Variants in MIS18BP1 observed in about 807,000 individuals in gnomAD.
The protein encoded by MIS18BP1 is MIS18 binding protein 1.
A neutral mutation model predicts 116.1 loss-of-function variants in MIS18BP1; 72 were observed. The ratio of observed to expected loss-of-function variants is 0.62; its 90% CI spans 0.51 to 0.75. The LOEUF is 0.75. MIS18BP1 is among the 30% of genes least tolerant of loss of function. The pLI is 0.00. For synonymous variants in MIS18BP1, 386 were observed against 427.0 expected, an observed-to-expected ratio of 0.90 and a Z score of 1.18; for missense variants, 1,363 against 1,303.2, an observed-to-expected ratio of 1.05 and a Z score of -0.71.
At position 45,206,137 on chromosome 14, in the gene MIS18BP1, T is replaced by C. The variant is rs745753453; in HGVS notation, c.3186A>G (p.Gln1062=). ...NDCDKYVFRM[Q]KYHKSNGGIV... ...TACCACCATTACTTTTATGATATTT[T>C]TGCATACGAAAAACATATTTATCAC... Residue 1062 remains glutamine, a synonymous_variant, in exon 15 of 17, where the codon CAA becomes CAG. Transcript: ENST00000310806. The C allele has an allele frequency of 2.4e-5, 39 of 1,608,466 alleles. No individual in the cohort carries two copies. The highest frequency in any genetic ancestry group is 3.0e-5 in the Non-Finnish European group (35 of 1,175,924).
At chr14:45,237,543 G>T in intron 5 of MIS18BP1, 105 bp downstream of exon 5, 4 of 1,364,874 alleles carry the variant, frequency 2.9e-6, no homozygotes, top group Non-Finnish European at 3.9e-6. Context: ...TCATAACCTT[G>T]TTAGGTCTTT....
Position 45,224,403 on chromosome 14 carries a change from T to C in MIS18BP1, c.2184A>G (p.Ile728Met). The C allele has an allele frequency of 6.2e-7, 1 of 1,613,824 alleles. No homozygotes were observed. Among genetic ancestry groups the C allele is most frequent in the Non-Finnish European group, 8.5e-7 (1 of 1,179,930 alleles). Residue 728 changes from isoleucine (I) to methionine (M), a missense_variant, in exon 11 of 17, where the codon ATA becomes ATG. By Grantham distance (10) the Ile-to-Met change is conservative. Coordinates refer to ENST00000310806, the MANE Select transcript of MIS18BP1 (RefSeq NM_018353.5). The part of the protein sequence containing the change: ...DLLTVNRKIK[I>M]SNLEKEQMLT... ...GCATTTGTTCCTTTTCAAGGTTAGA[T>C]ATTTTTATTTTCCGGTTGACAGTAA...
chr14:45,218,425 G>T lies in MIS18BP1; in HGVS notation c.2699C>A (p.Pro900His). The stretch of plus-strand genomic sequence containing the variant: ...CGCAGCTACCTCTGACCAGAAACCA[G>T]GTTTGTGCTTTGGAAGAGATGCAAA... ...CAFASLPKHK[P>H]GFWSEVAAAV... The change falls in exon 12 of 17, where the codon CCT becomes CAT. Residue 900 changes from proline to histidine, a missense_variant. Transcript: ENST00000310806. 1 of 1,609,166 alleles carries T rather than the reference G, an allele frequency of 6.2e-7. No homozygotes were observed. Among genetic ancestry groups the T allele is most frequent in the Non-Finnish European group, 8.5e-7 (1 of 1,178,962 alleles).
intron 4 of MIS18BP1, among the ~76,000 whole-genome samples, chr14:45,239,499 G>A (rs1891518195): frequency 6.6e-6 from 1 of 152,134 alleles, no homozygotes; most frequent in African/African-American, 2.4e-5. Context: ...AGCATGGAAG[G>A]CATAATTTGA....
chr14:45,228,821 T>C (rs188030364), intron 8 of MIS18BP1, among the ~76,000 whole-genome samples: 11 of 152,332 alleles, frequency 7.2e-5, no homozygotes, highest in African/African-American at 1.9e-4. Context: ...AGCAATACTA[T>C]GATACACAAG....
chr14:45,223,501 C>T (rs974742496), intron 11 of MIS18BP1, among the ~76,000 whole-genome samples: 3 of 152,152 alleles, frequency 2.0e-5, no homozygotes, highest in South Asian at 2.1e-4. Context: ...CGCTTGAACC[C>T]GGGAGGCAGA....
At chr14:45,230,178 A>G (rs1035673228) in intron 8 of MIS18BP1, among the ~76,000 whole-genome samples, 2 of 152,244 alleles carry the variant, frequency 1.3e-5, no homozygotes, top group Admixed American at 1.3e-4. Context: ...AAATCAGCAG[A>G]AATGTTTACA....
chr14:45,225,971 A>G (rs1891113636), intron 10 of MIS18BP1, among the ~76,000 whole-genome samples: 1 of 152,144 alleles, frequency 6.6e-6, no homozygotes, highest in African/African-American at 2.4e-5. Context: ...TAATTTAGAA[A>G]GTGTCTACAA....
chr14:45,244,709 C>T (rs1286826768), intron 2 of MIS18BP1, among the ~76,000 whole-genome samples: 1 of 152,168 alleles, frequency 6.6e-6, no homozygotes, highest in African/African-American at 2.4e-5. Flanking sequence ...TAGGCCTCTC[C>T]CAAACTATTC....
intron 13 of MIS18BP1, among the ~76,000 whole-genome samples, chr14:45,211,634 T>C (rs1351965155): frequency 6.6e-6 from 1 of 152,182 alleles, no homozygotes; most frequent in African/African-American, 2.4e-5. Context: ...AAGCGGCAAG[T>C]AGTTGGACCC....
intron 4 of MIS18BP1, among the ~76,000 whole-genome samples, chr14:45,238,537 T>TTATAGGTGATGGCTGAGGACAGTTGC (rs1891487816): frequency 6.6e-6 from 1 of 152,284 alleles, no homozygotes; most frequent in East Asian, 1.9e-4. Context: ...ATTTAAAAAA[T>TTATAGGTGATGGCTGAGGACAGTTGC]TATAGGTGAT....
chr14:45,231,059 A>G, intron 8 of MIS18BP1, 82 bp downstream of exon 8: 1 of 1,428,248 alleles, frequency 7.0e-7, no homozygotes, highest in Non-Finnish European at 9.6e-7. Flanking sequence ...CATTACTACT[A>G]TACACATTAT....
intron 6 of MIS18BP1, among the ~76,000 whole-genome samples, chr14:45,235,020 C>A (rs1891384112): frequency 6.6e-6 from 1 of 152,070 alleles, no homozygotes; most frequent in Non-Finnish European, 1.5e-5. Flanking sequence ...AAGTTCAAGA[C>A]CAGCCTGGCC....
At chr14:45,212,526 A>G (rs1444643854) in intron 13 of MIS18BP1, among the ~76,000 whole-genome samples, 2 of 152,206 alleles carry the variant, frequency 1.3e-5, no homozygotes, top group Non-Finnish European at 2.9e-5. Flanking sequence ...TGTCTCTAAA[A>G]TAATACTTAA....
rs1475239973 is a variant in MIS18BP1, at chr14:45,206,161, A to G, written c.3162T>C (p.Cys1054=). 2 of 1,598,756 alleles carry G rather than the reference A, an allele frequency of 1.3e-6. No individual in the cohort carries two copies. Among genetic ancestry groups the G allele is most frequent in the East Asian group, 4.5e-5 (2 of 44,640 alleles). ...GMLGSINRND[C]DKYVFRMQKY... is the part of the protein sequence containing the mutation. ...TTTGCATACGAAAAACATATTTATC[A>G]CAGTCATTCCTGTTTGAATACGAAA... Residue 1054 remains cysteine (C), a synonymous_variant, in exon 15 of 17, where the codon TGT becomes TGC. Transcript: ENST00000310806.
intron 2 of MIS18BP1, among the ~76,000 whole-genome samples, chr14:45,243,143 A>G (rs1891631336): frequency 6.6e-6 from 1 of 152,146 alleles, no homozygotes; most frequent in African/African-American, 2.4e-5. Context: ...GCTCTAGACA[A>G]AAGTATTGGA....
At chr14:45,236,438 C>T (rs1184025054) in intron 5 of MIS18BP1, among the ~76,000 whole-genome samples, 1 of 152,082 alleles carries the variant, frequency 6.6e-6, no homozygotes, top group African/African-American at 2.4e-5. Flanking sequence ...AAAGAAATTA[C>T]TGTATCAAAT....
At chr14:45,210,999 C>T (rs1417656993) in intron 13 of MIS18BP1, among the ~76,000 whole-genome samples, 1 of 152,200 alleles carries the variant, frequency 6.6e-6, no homozygotes, top group East Asian at 1.9e-4. Flanking sequence ...CTTTATTCAG[C>T]CTGTAACCGA....
chr14:45,245,590 C>A (rs1891701772), intron 2 of MIS18BP1, among the ~76,000 whole-genome samples: 2 of 152,078 alleles, frequency 1.3e-5, no homozygotes. Flanking sequence ...TCTTGAACCC[C>A]CGACCTCAGG....
Sources: gnomAD v4.1 joint callset for allele counts (sites outside exome capture counted in the v4.1 genomes callset) on GRCh38, gnomAD v4.1.1 for gene constraint, MANE v1.5 for transcripts, NCBI Gene and HGNC (gene_info 2026-07-23, HGNC 2026-07-21) for gene names.